The following WDR87 variants were observed in gnomAD, a reference collection of about 807,000 sequenced individuals.
The protein encoded by WDR87 is WD repeat-containing protein 87.
A neutral mutation model predicts 83.3 loss-of-function variants in WDR87; 56 were observed. The ratio of observed to expected loss-of-function variants is 0.67; its 90% CI spans 0.54 to 0.84. The LOEUF is 0.84. Ranked by LOEUF, WDR87 falls within the 40% of genes least tolerant of loss-of-function variation. The pLI is 0.00. For synonymous variants in WDR87, 1,173 were observed against 1,250.6 expected, an observed-to-expected ratio of 0.94 and a Z score of 1.31; for missense variants, 2,939 against 3,431.9, an observed-to-expected ratio of 0.86 and a Z score of 3.59.
intron 1 of WDR87, among the ~76,000 whole-genome samples, chr19:37,899,128 T>G (rs1196196609): frequency 1.3e-5 from 2 of 152,032 alleles, no homozygotes; most frequent in East Asian, 3.9e-4. Context: ...TTTTAAGAGA[T>G]AGGGTTTTGG....
At chr19:37,891,861 G>T (rs1414806898) in intron 4 of WDR87, 41 bp from the exon 5 acceptor site, 23 of 1,533,306 alleles carry the variant, frequency 1.5e-5, no homozygotes, top group Non-Finnish European at 2.0e-5. Context: ...GCTGAGTCAG[G>T]AACAAAAGGG....
At position 37,885,762 on chromosome 19, in the gene WDR87, A is replaced by G. The variant is rs1462215300; in HGVS notation, c.7909T>C (p.Tyr2637His). 1.3e-6 allele frequency: 2 copies of G among 1,551,544 alleles called. No homozygotes were observed. The highest frequency in any genetic ancestry group is 2.7e-5 in the African/African-American group (2 of 73,008). ...ISSRQSMSPK[Y>H]LKVIPPIKAK... ...TTTATAGGAGGAATCACTTTCAGGT[A>G]TTTTGGACTCATGGACTGTCTACTT... is the stretch of plus-strand genomic sequence containing the variant. Residue 2637 changes from tyrosine (Y) to histidine (H), a missense_variant, in exon 6 of 6, where the codon TAC (tyrosine) becomes CAC (histidine). By Grantham distance (83) the Tyr-to-His change is moderately conservative. Around this residue, in one of 3 missense-constraint regions of WDR87, gnomAD observed 2,160 missense variants for 2,533.1 expected, o/e 0.85. Coordinates refer to ENST00000447313, the MANE Select transcript of WDR87 (RefSeq NM_001291088.2).
In WDR87 at chr19:37,888,427, C is replaced by A; in HGVS notation, c.5244G>T (p.Trp1748Cys). Residue 1748 changes from tryptophan (W) to cysteine (C), a missense_variant, in exon 6 of 6, where the codon TGG (tryptophan) becomes TGT (cysteine). Around this residue, in one of 3 missense-constraint regions of WDR87, gnomAD observed 2,160 missense variants for 2,533.1 expected, o/e 0.85. Transcript: ENST00000447313. ...ATTCCTGGGCCAGCTCCTTTTCTTG[C>A]CAGTCCAGATTTTGTTCCCTCTGGG... ...ELPQREQNLD[W>C]QEKELAQELE... 2 of 1,552,170 alleles carry A rather than the reference C, an allele frequency of 1.3e-6. No individual in the cohort carries two copies. Among genetic ancestry groups the A allele is most frequent in the East Asian group, 2.4e-5 (1 of 40,920 alleles).
At chr19:37,905,352 G>A (rs2046318483) in intron 1 of WDR87, among the ~76,000 whole-genome samples, 1 of 151,168 alleles carries the variant, frequency 6.6e-6, no homozygotes, top group Admixed American at 6.6e-5. Context: ...TTTCATAGCT[G>A]GGTGAGATGG....
rs1264449720 is a variant in WDR87, at chr19:37,889,269, C to G, written c.4402G>C (p.Glu1468Gln). 1 of 1,551,744 alleles carries G rather than the reference C, an allele frequency of 6.4e-7. No homozygotes were observed. The highest frequency in any genetic ancestry group is 1.4e-5 in the African/African-American group (1 of 73,000). Residue 1468 changes from glutamate to glutamine, a missense_variant, in exon 6 of 6, where the codon GAG becomes CAG. Glu to Gln is a conservative substitution (Grantham distance 29). Around this residue, in one of 3 missense-constraint regions of WDR87, gnomAD observed 2,160 missense variants for 2,533.1 expected, o/e 0.85. Transcript: ENST00000447313. Reference sequence around the variant, plus strand: ...AGTGTGGCCATTTCCTCCACTTCCTCACTCATATCCCTCTCTTCTTTGGTC... The same window carrying G: ...AGTGTGGCCATTTCCTCCACTTCCTGACTCATATCCCTCTCTTCTTTGGTC... ...EMTKEERDMS[E>Q]EVEEMATLEE...
At position 37,888,792 on chromosome 19, in the gene WDR87, G is replaced by T. The variant is rs779559020; in HGVS notation, c.4879C>A (p.Arg1627=). ...GCTAATTTCCTCTCTTCTTGGGCTC[G>T]TTTTTTTTCAGCTCGGGCTCGTTTC... ...HRKRARAEKK[R]AQEERKLAQE... The change falls in exon 6 of 6, where the codon CGA becomes AGA. Residue 1627 remains arginine, a synonymous_variant. Transcript: ENST00000447313. 2.6e-6 allele frequency: 4 copies of T among 1,550,836 alleles called. No individual in the cohort carries two copies. In the East Asian group the frequency reaches 7.3e-5, roughly 28 times the overall value.
At chr19:37,890,418 TTC>T in intron 5 of WDR87, 142 bp from the exon 6 acceptor site, 1 of 1,074,562 alleles carries the variant, frequency 9.3e-7, no homozygotes, top group Non-Finnish European at 1.2e-6. Flanking sequence ...AAAAAAAGCA[TTC>T]TCTTTGCTTT....
intron 1 of WDR87, among the ~76,000 whole-genome samples, chr19:37,901,428 C>G (rs1423259429): frequency 6.6e-6 from 1 of 152,142 alleles, no homozygotes; most frequent in Non-Finnish European, 1.5e-5. Context: ...GAGACTCCAT[C>G]TCAAAAACAA....
In WDR87 at chr19:37,896,203, A is replaced by C. The variant is rs1008575822; in HGVS notation, c.181T>G (p.Tyr61Asp). 1 of 1,552,344 alleles carries C rather than the reference A, an allele frequency of 6.4e-7. No homozygotes were observed. The highest frequency in any genetic ancestry group is 8.7e-7 in the Non-Finnish European group (1 of 1,147,128). Residue 61 changes from tyrosine to aspartate, a missense_variant, in exon 3 of 6, where the codon TAC becomes GAC. Around this residue, in one of 3 missense-constraint regions of WDR87, gnomAD observed 226 missense variants for 320.9 expected, o/e 0.70. Coordinates refer to ENST00000447313, the MANE Select transcript of WDR87 (RefSeq NM_001291088.2). ...YPQNMPCVCY[Y>D]FSDAHFFASL... ...GCGAAGAAGTGGGCATCACTGAAGT[A>C]ATAGCATACACACGGCATATTTTGA...
rs904200913 is a variant in WDR87 at position 37,906,587 on chromosome 19, C to A, written c.-135G>T. 22 of 152,182 alleles carry A rather than the reference C, an allele frequency of 1.4e-4. No individual in the cohort carries two copies. The highest frequency in any genetic ancestry group is 4.3e-4 in the African/African-American group (18 of 41,448). 9.4% of individuals were successfully genotyped at this position (152,182 alleles called of 1,614,324 possible). ...GGGCAGCAACTAAGAAGCTACCTGG[C>A]GGATGTTGCGAGAGGACTCCGCCCA... On this transcript the variant is annotated 5_prime_UTR_variant, in exon 1 of 6. Coordinates refer to ENST00000447313, the MANE Select transcript of WDR87 (RefSeq NM_001291088.2).
chr19:37,889,373 T>A lies in WDR87; in HGVS notation c.4298A>T (p.Lys1433Ile), dbSNP rs1422937485. 2 of 1,551,616 alleles carry A rather than the reference T, an allele frequency of 1.3e-6. No individual in the cohort carries two copies. Among genetic ancestry groups the A allele is most frequent in the Non-Finnish European group, 1.7e-6 (2 of 1,147,008 alleles). The change falls in exon 6 of 6, where the codon AAA becomes ATA. Residue 1433 changes from lysine (K) to isoleucine (I), a missense_variant. By Grantham distance (102) the Lys-to-Ile change is moderately radical. Around this residue, in one of 3 missense-constraint regions of WDR87, gnomAD observed 2,160 missense variants for 2,533.1 expected, o/e 0.85. Transcript: ENST00000447313. ...TTGCTTAGGTGACTTCTGAAAGGTT[T>A]TCTTCTCTTCTTTCTTTGATATTTC... ...GKEISKKEEK[K>I]TFQKSPKQGR...
At position 37,893,449 on chromosome 19, in the gene WDR87, C is replaced by T. The variant is rs201164136; in HGVS notation, c.2254G>A (p.Glu752Lys). 7.4e-5 allele frequency: 115 copies of T among 1,551,990 alleles called. 2 individuals are homozygous for T. Among genetic ancestry groups the T allele is most frequent in the Admixed American group, 3.9e-5 (2 of 50,990 alleles). The change falls in exon 4 of 6, where the codon GAA (glutamate) becomes AAA (lysine). Residue 752 changes from glutamate (E) to lysine (K), a missense_variant. By Grantham distance (56) the Glu-to-Lys change is moderately conservative. Around this residue, in one of 3 missense-constraint regions of WDR87, gnomAD observed 2,160 missense variants for 2,533.1 expected, o/e 0.85. Coordinates refer to ENST00000447313, the MANE Select transcript of WDR87 (RefSeq NM_001291088.2). ...AACACTGGGCTCCCTTCCTCATCTT[C>T]TTCTATCACATGTGGCACAGAATGG... Reference protein sequence around the residue: ...FDHSVPHVIEEDEEGSPVLLR... With the variant: ...FDHSVPHVIEKDEEGSPVLLR...
At chr19:37,903,172 C>A (rs1049279229) in intron 1 of WDR87, among the ~76,000 whole-genome samples, 27 of 152,112 alleles carry the variant, frequency 1.8e-4, no homozygotes, top group African/African-American at 6.5e-4. Flanking sequence ...CACATTTGGG[C>A]ACAGGGGTGC....
chr19:37,901,720 G>T (rs917091010), intron 1 of WDR87, among the ~76,000 whole-genome samples: 17 of 146,280 alleles, frequency 1.2e-4, no homozygotes, highest in African/African-American at 2.7e-4. Context: ...ATTTTATGTG[G>T]TTTTTTTTTT....
chr19:37,894,923 G>A lies in WDR87; in HGVS notation c.780C>T (p.Asn260=), dbSNP rs1388272199. The A allele has an allele frequency of 6.4e-7, 1 of 1,551,616 alleles. No homozygotes were observed. Among genetic ancestry groups the A allele is most frequent in the Non-Finnish European group, 8.7e-7 (1 of 1,147,012 alleles). ...CFDQGFLYAG[N]QAGEIQVWSL... ...TCCAAACTTGGATTTCCCCAGCTTG[G>A]TTTCCAGCATAGAGAAAGCCCTGAT... Residue 260 remains asparagine, a synonymous_variant, in exon 4 of 6, where the codon AAC becomes AAT. Coordinates refer to ENST00000447313, the MANE Select transcript of WDR87 (RefSeq NM_001291088.2).
chr19:37,900,797 T>G (rs1297357988), intron 1 of WDR87, among the ~76,000 whole-genome samples: 1 of 151,764 alleles, frequency 6.6e-6, no homozygotes, highest in Non-Finnish European at 1.5e-5. Flanking sequence ...ACCCTGCACT[T>G]GCTGCTCATT....
At position 37,893,771 on chromosome 19, in the gene WDR87, G is replaced by A. The variant is rs1340510891; in HGVS notation, c.1932C>T (p.Asp644=). ...DFHGRLIGIL[D]SSLHFGPVCF... ...AGACTGGGCCAAAGTGCAGTGATGA[G>A]TCCAGAATGCCTATGAGTCTGCCAT... The change falls in exon 4 of 6, where the codon GAC becomes GAT. Residue 644 remains aspartate, a synonymous_variant. Transcript: ENST00000447313. 11 of 1,551,456 alleles carry A rather than the reference G, an allele frequency of 7.1e-6. No individual in the cohort carries two copies. In the East Asian group the frequency reaches 2.4e-4, roughly 34 times the overall value.
At position 37,893,287 on chromosome 19, in the gene WDR87, A is replaced by G. The variant is rs1417347930; in HGVS notation, c.2416T>C (p.Leu806=). 6.4e-6 allele frequency: 10 copies of G among 1,551,782 alleles called. No individual in the cohort carries two copies. Among genetic ancestry groups the G allele is most frequent in the Non-Finnish European group, 7.0e-6 (8 of 1,146,990 alleles). Reference sequence around the variant, plus strand: ...CGCCCATGACCAAAGTAGTATCGCAATATCTGATAGGGGTTGAGTCCATCC... The same window carrying G: ...CGCCCATGACCAAAGTAGTATCGCAGTATCTGATAGGGGTTGAGTCCATCC... ...SWDGLNPYQI[L]RYYFGHGREW... The change falls in exon 4 of 6, where the codon TTG becomes CTG. Residue 806 remains leucine (L), a synonymous_variant. Transcript: ENST00000447313.
rs1032141562 is a variant in WDR87, at chr19:37,889,542, T to A, written c.4129A>T (p.Arg1377Ter). The A allele has an allele frequency of 6.4e-7, 1 of 1,551,688 alleles. No homozygotes were observed. Among genetic ancestry groups the A allele is most frequent in the African/African-American group, 1.4e-5 (1 of 73,054 alleles). ...MIQGVTQEVI[R>*]HKEVMPREEE... is the part of the protein sequence containing the mutation. ...TCCCTTGGCATCACTTCCTTGTGTCTGATCACCTCTTGGGTCACACCTTGT... is the reference window on the plus strand; with the variant it reads ...TCCCTTGGCATCACTTCCTTGTGTCAGATCACCTCTTGGGTCACACCTTGT... The change falls in exon 6 of 6, where the codon AGA becomes TGA. Residue 1377 changes from arginine to a stop codon, truncating the protein, a stop_gained. Transcript: ENST00000447313. LOFTEE classifies it low-confidence loss of function (END_TRUNC).
Sources: allele counts gnomAD v4.1 joint callset (sites outside exome capture counted in the v4.1 genomes callset), GRCh38; gene constraint gnomAD v4.1.1; regional missense constraint gnomAD v4.1.1; transcripts MANE v1.5; gene names NCBI Gene and HGNC (gene_info 2026-07-23, HGNC 2026-07-21).